The following DDAH1 variants were observed in gnomAD, a reference collection of about 807,000 sequenced individuals.
DDAH1 encodes the protein N(G),N(G)-dimethylarginine dimethylaminohydrolase 1.
DDAH1 carries 19 observed loss-of-function variants against 28.8 expected under a neutral mutation model. That is an observed-to-expected ratio of 0.66 (90% CI 0.46 to 0.97). DDAH1 has a LOEUF of 0.97. Among genes scored for constraint, DDAH1 ranks in the 50% least tolerant of loss-of-function variants. The pLI is 0.00. For missense variants in DDAH1, 326 were observed against 375.9 expected (o/e 0.87, Z 1.10); for synonymous variants, 153 against 154.4 (o/e 0.99, Z 0.07).
At position 85,324,839 on chromosome 1, in the gene DDAH1, C is replaced by T. The variant is rs1341017614; in HGVS notation, c.642G>A (p.Val214=). The change falls in exon 5 of 6, where the codon GTG becomes GTA. Residue 214 remains valine, a synonymous_variant. Coordinates refer to ENST00000284031, the MANE Select transcript of DDAH1 (RefSeq NM_012137.4). ...MSDHRYDKLT[V]PDDIAANCIY... ...TACAGTTTGCTGCTATGTCATCAGG[C>T]ACAGTGAGTTTGTCGTAGCGGTGGT... The T allele has an allele frequency of 6.2e-7, 1 of 1,613,966 alleles. No homozygotes were observed. The highest frequency in any genetic ancestry group is 8.5e-7 in the Non-Finnish European group (1 of 1,180,028).
chr1:85,376,105 C>G (rs1650652769), intron 1 of DDAH1, among the ~76,000 whole-genome samples: 1 of 152,118 alleles, frequency 6.6e-6, no homozygotes, highest in Non-Finnish European at 1.5e-5. Flanking sequence ...CAAATTGGAA[C>G]CTTATAAATC....
intron 1 of DDAH1, among the ~76,000 whole-genome samples, chr1:85,533,507 T>C (rs1243145675): frequency 6.6e-6 from 1 of 152,110 alleles, no homozygotes; most frequent in Non-Finnish European, 1.5e-5. Context: ...TTTACTGTTT[T>C]CTTAGAAATA....
At chr1:85,472,668 G>C (rs991032617) in intron 2 of DDAH1, among the ~76,000 whole-genome samples, 3 of 152,162 alleles carry the variant, frequency 2.0e-5, no homozygotes, top group Admixed American at 6.5e-5. Context: ...TAAATATGTT[G>C]AGTTTTAACA....
At chr1:85,427,816 A>G (rs1653482945) in intron 1 of DDAH1, among the ~76,000 whole-genome samples, 1 of 150,754 alleles carries the variant, frequency 6.6e-6, no homozygotes, top group South Asian at 2.1e-4. Flanking sequence ...CTCCCACCTC[A>G]TAAACATGTT....
intron 2 of DDAH1, among the ~76,000 whole-genome samples, chr1:85,491,895 C>T (rs927634752): frequency 6.6e-6 from 1 of 152,126 alleles, no homozygotes; most frequent in Non-Finnish European, 1.5e-5. Flanking sequence ...ACCCCCTATA[C>T]TGGCATGAGG....
chr1:85,350,564 T>C (rs765130150), intron 3 of DDAH1, 30 bp from the exon 4 acceptor site: 2 of 1,607,584 alleles, frequency 1.2e-6, no homozygotes, highest in Non-Finnish European at 1.7e-6. Context: ...ACAAGCAGTT[T>C]AGTATTGCAG....
chr1:85,497,531 T>C (rs991206730), intron 1 of DDAH1, among the ~76,000 whole-genome samples: 6 of 152,192 alleles, frequency 3.9e-5, no homozygotes, highest in African/African-American at 1.4e-4. Context: ...TCCATTATCA[T>C]TACAGAAAAT....
intron 1 of DDAH1, among the ~76,000 whole-genome samples, chr1:85,525,786 C>T (rs557212904): frequency 0.016 from 2,385 of 152,132 alleles, 73 homozygotes; most frequent in African/African-American, 0.053. Context: ...AATGAGCTTC[C>T]GGGTGAGCTC....
chr1:85,350,498 A>G lies in DDAH1; in HGVS notation c.514T>C (p.Leu172=). ...AVSTVPVADG[L]HLKSFCSMAG... Reference sequence around the variant, plus strand: ...ATGCTGCAGAAACTCTTCAAATGCAACCCATCTGCCACTGGCACTGTGGAG... The same window carrying G: ...ATGCTGCAGAAACTCTTCAAATGCAGCCCATCTGCCACTGGCACTGTGGAG... Residue 172 remains leucine, a synonymous_variant, in exon 4 of 6, where the codon TTG becomes CTG. Transcript: ENST00000284031. The G allele has an allele frequency of 6.2e-7, 1 of 1,614,134 alleles. No individual in the cohort carries two copies. The highest frequency in any genetic ancestry group is 8.5e-7 in the Non-Finnish European group (1 of 1,180,000).
chr1:85,323,900 T>G (rs1661454736), intron 5 of DDAH1, among the ~76,000 whole-genome samples: 1 of 147,052 alleles, frequency 6.8e-6, no homozygotes, highest in African/African-American at 2.5e-5. Flanking sequence ...GCCCAGGAAT[T>G]TGAGGCTGCA....
chr1:85,336,865 T>C (rs1218562744), intron 4 of DDAH1, among the ~76,000 whole-genome samples: 1 of 152,076 alleles, frequency 6.6e-6, no homozygotes, highest in African/African-American at 2.4e-5. Flanking sequence ...GGGATTACCC[T>C]GATACCAAAA....
chr1:85,380,362 C>T (rs1302679795), intron 1 of DDAH1: 1 of 152,198 alleles, frequency 6.6e-6, no homozygotes, highest in Non-Finnish European at 1.5e-5. Context: ...CTTTCCACTG[C>T]TTTCTTCCTA....
At chr1:85,559,682 T>A (rs1416262228) in intron 1 of DDAH1, among the ~76,000 whole-genome samples, 1 of 151,804 alleles carries the variant, frequency 6.6e-6, no homozygotes, top group Non-Finnish European at 1.5e-5. Flanking sequence ...GAGTATAACA[T>A]CTAAAATAAA....
chr1:85,415,005 C>CTT (rs71727580), intron 1 of DDAH1, among the ~76,000 whole-genome samples: 1,418 of 57,636 alleles, frequency 0.025, 316 homozygotes, highest in Middle Eastern at 0.037. Flanking sequence ...TCAAGTGTTG[C>CTT]TTTTTTTTTT....
intron 2 of DDAH1, among the ~76,000 whole-genome samples, chr1:85,471,287 C>T (rs896510131): frequency 7.2e-5 from 11 of 152,182 alleles, no homozygotes; most frequent in African/African-American, 2.7e-4. Flanking sequence ...ATTATTCCAT[C>T]TAGGGGTAGT....
chr1:85,519,434 T>C (rs1657597225), intron 1 of DDAH1, among the ~76,000 whole-genome samples: 1 of 152,196 alleles, frequency 6.6e-6, no homozygotes, highest in African/African-American at 2.4e-5. Flanking sequence ...ACTGAGAAGA[T>C]AAATACAGAC....
intron 1 of DDAH1, among the ~76,000 whole-genome samples, chr1:85,533,015 A>C (rs1658144135): frequency 6.6e-6 from 1 of 152,236 alleles, no homozygotes; most frequent in Non-Finnish European, 1.5e-5. Flanking sequence ...TTGTTCTCAT[A>C]CTTATAAAAT....
At chr1:85,375,647 T>C (rs1332252383) in intron 1 of DDAH1, among the ~76,000 whole-genome samples, 1 of 152,152 alleles carries the variant, frequency 6.6e-6, no homozygotes, top group Non-Finnish European at 1.5e-5. Context: ...TATACCAACT[T>C]GCCCAGTTTC....
At position 85,443,761 on chromosome 1, in the gene DDAH1, ACT is replaced by A. The variant is rs1654309241; in HGVS notation, c.303+20980_303+20981del. ...TGTAAGTTGGATTCCTAGGTATTTT[ACT>A]CTCTTTGAAGCAATTGTGAAGGGGA... is the stretch of plus-strand genomic sequence containing the variant. On this transcript the variant is annotated intron_variant, in intron 1 of 5. Transcript: ENST00000284031. 3.3e-5 allele frequency among the ~76,000 whole-genome samples: 5 copies of A among 151,636 alleles called. No homozygotes were observed. The South Asian group carries it at 1.0e-3, about 32-fold the overall frequency.
Sources: gnomAD v4.1 joint callset for allele counts (sites outside exome capture counted in the v4.1 genomes callset) on GRCh38, gnomAD v4.1.1 for gene constraint, MANE v1.5 for transcripts, NCBI Gene and HGNC (gene_info 2026-07-23, HGNC 2026-07-21) for gene names.